Variants in NCMAP observed in about 807,000 individuals in gnomAD.
NCMAP encodes noncompact myelin-associated protein.
NCMAP carries 8 observed loss-of-function variants against 7.8 expected under a neutral mutation model. That is an observed-to-expected ratio of 1.02 (90% CI 0.60 to 1.84). The LOEUF is 1.84. Ranked by LOEUF, NCMAP falls within the 40% of genes most tolerant of loss-of-function variation. NCMAP has a pLI of 0.00. For missense variants in NCMAP, 112 were observed against 131.4 expected, an observed-to-expected ratio of 0.85 and a Z score of 0.72; for synonymous variants, 41 against 52.9, an observed-to-expected ratio of 0.78 and a Z score of 0.98.
chr1:24,599,798 G>A (rs113693518), intron 2 of NCMAP, among the ~76,000 whole-genome samples: 6 of 120,930 alleles, frequency 5.0e-5, no homozygotes, highest in African/African-American at 6.2e-5. Context: ...GGCTGGTCTC[G>A]AACTCCTGAC....
chr1:24,602,548 C>T (rs1288551247), intron 3 of NCMAP, among the ~76,000 whole-genome samples: 6 of 98,918 alleles, frequency 6.1e-5, no homozygotes, highest in African/African-American at 1.1e-4. Context: ...CCCGCCTGGG[C>T]GACAGAACGA....
At chr1:24,604,681 A>T (rs534979601) in intron 3 of NCMAP, among the ~76,000 whole-genome samples, 1 of 127,610 alleles carries the variant, frequency 7.8e-6, no homozygotes, top group Non-Finnish European at 1.6e-5. Flanking sequence ...CCATGAAGAC[A>T]TGAGAATTCA....
chr1:24,558,759 G>A (rs964511068), intron 1 of NCMAP, among the ~76,000 whole-genome samples: 1 of 152,074 alleles, frequency 6.6e-6, no homozygotes, highest in Non-Finnish European at 1.5e-5. Context: ...TGATGTTCAG[G>A]GTCACGTAGA....
chr1:24,582,105 T>C (rs1651763684), intron 1 of NCMAP, among the ~76,000 whole-genome samples: 2 of 152,172 alleles, frequency 1.3e-5, no homozygotes, highest in Admixed American at 1.3e-4. Flanking sequence ...TCTTTCTCTG[T>C]CCGTCTCTCA....
chr1:24,572,451 A>G (rs1651417328), intron 1 of NCMAP, among the ~76,000 whole-genome samples: 1 of 150,414 alleles, frequency 6.6e-6, no homozygotes, highest in Non-Finnish European at 1.5e-5. Flanking sequence ...TGAGCTCGGC[A>G]CCTGCTATGG....
chr1:24,557,965 G>A (rs1462452710), intron 1 of NCMAP, among the ~76,000 whole-genome samples: 1 of 152,216 alleles, frequency 6.6e-6, no homozygotes, highest in Non-Finnish European at 1.5e-5. Flanking sequence ...GCACCATGTG[G>A]ACTATGGCCA....
intron 1 of NCMAP, among the ~76,000 whole-genome samples, chr1:24,561,178 C>A (rs142156480): frequency 4.8e-3 from 493 of 103,706 alleles, no homozygotes; most frequent in Non-Finnish European, 5.6e-3. Context: ...ACTAAAAATA[C>A]AAAAAAAAAA....
chr1:24,578,699 A>G (rs150889310), intron 1 of NCMAP, among the ~76,000 whole-genome samples: 1,941 of 151,200 alleles, frequency 0.013, 16 homozygotes, highest in Non-Finnish European at 0.019. Context: ...AATAGCTGGG[A>G]CTACAGGCAC....
At chr1:24,580,892 G>T (rs895617476) in intron 1 of NCMAP, among the ~76,000 whole-genome samples, 2 of 152,324 alleles carry the variant, frequency 1.3e-5, no homozygotes, top group Middle Eastern at 3.4e-3. Flanking sequence ...TTAGGCCTTT[G>T]CCTTTTCCAG....
At position 24,562,445 on chromosome 1, in the gene NCMAP, TCAGACTGTAA is replaced by T. The variant is rs931067622; in HGVS notation, c.-8+6278_-8+6287del. 6.5e-4 allele frequency among the ~76,000 whole-genome samples: 99 copies of T among 152,212 alleles called. 1 individual carries two copies. Among genetic ancestry groups the T allele is most frequent in the Non-Finnish European group, 1.8e-4 (12 of 68,032 alleles). On this transcript the variant is annotated intron_variant, in intron 1 of 3. Coordinates refer to ENST00000374392, the MANE Select transcript of NCMAP (RefSeq NM_001010980.5). ...TGGATCCACGTCTGTTAGTTTGTTG[TCAGACTGTAA>T]CCTCCCTGAGGGTGAGGACTGTGCC...
chr1:24,556,303 T>C (rs1650893963), intron 1 of NCMAP, 134 bp downstream of exon 1: 1 of 147,380 alleles, frequency 6.8e-6, no homozygotes, highest in Non-Finnish European at 1.5e-5. Context: ...GGACGAGGGG[T>C]CCCCAGTCTC....
At chr1:24,582,668 G>A (rs1283036892) in intron 1 of NCMAP, among the ~76,000 whole-genome samples, 1 of 152,178 alleles carries the variant, frequency 6.6e-6, no homozygotes, top group Admixed American at 6.5e-5. Context: ...GCCTCCAGAA[G>A]GAACACAGCC....
At chr1:24,560,759 AG>A (rs1436407516) in intron 1 of NCMAP, among the ~76,000 whole-genome samples, 2 of 150,990 alleles carry the variant, frequency 1.3e-5, no homozygotes, top group African/African-American at 2.5e-5. Context: ...AAAAAAAAAA[AG>A]CAGTTGTGCA....
In NCMAP at chr1:24,576,909, C is replaced by G. The variant is rs1486964400; in HGVS notation, c.-7-18515C>G. On this transcript the variant is annotated intron_variant, in intron 1 of 3. Transcript: ENST00000374392. This position sits in a 1 kb window ranked among gnomAD's most constrained non-coding sequence, Gnocchi z 4.0. ...TTGGGAGGCTGAGGCAGGTGGATCA[C>G]CTGAGGTCAGGAGTTCAAGACCAGC... Among the ~76,000 whole-genome samples, 2 of 152,082 alleles carry G rather than the reference C, an allele frequency of 1.3e-5. No individual in the cohort carries two copies. Among genetic ancestry groups the G allele is most frequent in the African/African-American group, 4.8e-5 (2 of 41,432 alleles).
intron 1 of NCMAP, among the ~76,000 whole-genome samples, chr1:24,572,017 C>G (rs1487223661): frequency 6.6e-6 from 1 of 150,912 alleles, no homozygotes; most frequent in East Asian, 1.9e-4. Context: ...AATAGCCATG[C>G]GTGGCCAGGG....
intron 1 of NCMAP, among the ~76,000 whole-genome samples, chr1:24,574,846 A>G (rs1293459048): frequency 1.5e-5 from 2 of 136,376 alleles, no homozygotes; most frequent in African/African-American, 5.6e-5. Context: ...CCCAGTCTGG[A>G]GTGCAATGGC....
chr1:24,556,463 C>G (rs1030812950), intron 1 of NCMAP, among the ~76,000 whole-genome samples: 8 of 152,130 alleles, frequency 5.3e-5, no homozygotes, highest in Non-Finnish European at 1.0e-4. Context: ...GCGGAGGGGC[C>G]GAGGCTCGCT....
At chr1:24,578,400 T>C (rs1418085760) in intron 1 of NCMAP, among the ~76,000 whole-genome samples, 1 of 122,792 alleles carries the variant, frequency 8.1e-6, no homozygotes, top group Non-Finnish European at 1.6e-5. Context: ...TCCAGGATCC[T>C]GGGACACGGA....
intron 2 of NCMAP, among the ~76,000 whole-genome samples, chr1:24,596,673 G>A (rs544788504): frequency 1.3e-5 from 2 of 152,178 alleles, no homozygotes; most frequent in Non-Finnish European, 2.9e-5. Flanking sequence ...GTGACAGAGC[G>A]AGAACTTGTC....
Sources: gnomAD v4.1 joint callset for allele counts (sites outside exome capture counted in the v4.1 genomes callset) on GRCh38, gnomAD v4.1.1 for gene constraint, Gnocchi (gnomAD v3.1) non-coding constraint, MANE v1.5 for transcripts, NCBI Gene and HGNC (gene_info 2026-07-23, HGNC 2026-07-21) for gene names.